HEATR4: variants seen among roughly 807,000 people sequenced by gnomAD.
The protein encoded by HEATR4 is HEAT repeat containing 4.
In HEATR4, 95 loss-of-function variants were observed where a neutral mutation model predicts 108.8. That is an observed-to-expected ratio of 0.87 (90% CI 0.74 to 1.04). The LOEUF (loss-of-function observed/expected upper bound fraction) is 1.04. Ranked by LOEUF, HEATR4 falls within the 50% of genes least tolerant of loss-of-function variation. The pLI is 0.00. For synonymous variants in HEATR4, 443 were observed against 459.4 expected (o/e 0.96, Z 0.46); for missense variants, 1,152 against 1,253.8 (o/e 0.92, Z 1.23).
At chr14:73,600,007 G>C in the HEATR4 span, among the ~76,000 whole-genome samples, 1 of 152,180 alleles carries the variant, frequency 6.6e-6, no homozygotes, top group Non-Finnish European at 1.5e-5. Context: ...GCTCAGAACA[G>C]TCCCTTGGGT....
upstream of HEATR4, among the ~76,000 whole-genome samples, chr14:73,560,373 T>C (rs1889503590): frequency 6.6e-6 from 1 of 151,978 alleles, no homozygotes. Flanking sequence ...TTATGAAAAG[T>C]AAAGACTGAG....
At chr14:73,563,910 A>G (rs1426516141), upstream of HEATR4, among the ~76,000 whole-genome samples, 1 of 151,950 alleles carries the variant, frequency 6.6e-6, no homozygotes, top group Non-Finnish European at 1.5e-5. Context: ...AGGAGGTGGG[A>G]GGATCCTTTG....
At chr14:73,633,395 T>C in the HEATR4 span, among the ~76,000 whole-genome samples, 1 of 152,292 alleles carries the variant, frequency 6.6e-6, no homozygotes, top group Admixed American at 6.5e-5. Flanking sequence ...TTTAGGTCTT[T>C]GCTGGCATTC....
the HEATR4 span, among the ~76,000 whole-genome samples, chr14:73,576,468 A>C: frequency 6.6e-6 from 1 of 151,980 alleles, no homozygotes; most frequent in Non-Finnish European, 1.5e-5. Flanking sequence ...TATTGAGATG[A>C]ATTACATAAG....
chr14:73,605,532 C>G, the HEATR4 span, among the ~76,000 whole-genome samples: 1 of 140,278 alleles, frequency 7.1e-6, no homozygotes, highest in Non-Finnish European at 1.5e-5. Flanking sequence ...GTTTAGGAAT[C>G]ATGCAGCTGG....
At chr14:73,556,328 G>A (rs1354008996) in intron 1 of HEATR4, among the ~76,000 whole-genome samples, 1 of 111,906 alleles carries the variant, frequency 8.9e-6, no homozygotes, top group African/African-American at 2.9e-5. Flanking sequence ...AGGAGGCTGA[G>A]GCAGGAGAAT....
intron 17 of HEATR4, chr14:73,491,866 C>T (rs374315742): frequency 6.8e-6 from 11 of 1,610,574 alleles, no homozygotes; most frequent in Middle Eastern, 1.6e-4. Flanking sequence ...GCGCGCTGCC[C>T]GCCGCCGCGT....
At chr14:73,525,413 A>G (rs974476710) in intron 2 of HEATR4, among the ~76,000 whole-genome samples, 1 of 152,122 alleles carries the variant, frequency 6.6e-6, no homozygotes, top group African/African-American at 2.4e-5. Flanking sequence ...TTAATATGCT[A>G]TCACTCCAGG....
chr14:73,514,350 C>A lies in HEATR4; in HGVS notation c.1211-116G>T, dbSNP rs530349350. Reference sequence around the variant, plus strand: ...GACTAATACCAAAGCAAAACAAAACCCTCAAGAGTGAATTTCCCCATGATT... The same window carrying A: ...GACTAATACCAAAGCAAAACAAAACACTCAAGAGTGAATTTCCCCATGATT... On this transcript the variant is annotated intron_variant, in intron 5 of 17. Transcript: ENST00000553558. 2.1e-4 allele frequency: 178 copies of A among 846,012 alleles called. 1 individual carries two copies. The highest frequency in any genetic ancestry group is 4.3e-4 in the Admixed American group (18 of 42,344). 52.4% of individuals were successfully genotyped at this position (846,012 alleles called of 1,614,324 possible).
chr14:73,564,499 A>G, the HEATR4 span, among the ~76,000 whole-genome samples: 3 of 151,378 alleles, frequency 2.0e-5, no homozygotes, highest in South Asian at 2.1e-4. Context: ...CCAGGTGCTC[A>G]GGAGGCTGAG....
chr14:73,524,265 C>T (rs2140299760), intron 2 of HEATR4, among the ~76,000 whole-genome samples: 1 of 127,606 alleles, frequency 7.8e-6, no homozygotes, highest in East Asian at 2.2e-4. Flanking sequence ...TGCACACCAG[C>T]CTGGGCAACA....
At position 73,542,539 on chromosome 14, in the gene HEATR4, G is replaced by A. The variant is rs2140314755; in HGVS notation, c.-151-12295C>T. ...CCTGCCTCGGCCTCCTGAGTAGCTG[G>A]GACTACAGGCGCATGCCACTTCTGC... On this transcript the variant is annotated intron_variant, in intron 1 of 17. Coordinates refer to ENST00000553558, the MANE Select transcript of HEATR4 (RefSeq NM_001220484.1). 1.9e-5 allele frequency among the ~76,000 whole-genome samples: 2 copies of A among 105,120 alleles called. 1 individual carries two copies. The highest frequency in any genetic ancestry group is 6.5e-5 in the African/African-American group (2 of 30,804). The allele number at this position is 105,120 out of a possible 152,430, so 69.0% of individuals were successfully genotyped here.
chr14:73,607,787 C>A, the HEATR4 span, among the ~76,000 whole-genome samples: 2 of 151,718 alleles, frequency 1.3e-5, no homozygotes, highest in African/African-American at 4.8e-5. Flanking sequence ...CCACGCCTGG[C>A]TAATTTTTGT....
chr14:73,614,819 G>A, the HEATR4 span, among the ~76,000 whole-genome samples: 10 of 149,116 alleles, frequency 6.7e-5, no homozygotes, highest in East Asian at 1.0e-3. Context: ...ACAAGGAGCC[G>A]GGCGCAGTGG....
At position 73,506,509 on chromosome 14, in the gene HEATR4, C is replaced by T. The variant is rs748194777; in HGVS notation, c.1944G>A (p.Val648=). Residue 648 remains valine, a synonymous_variant, in exon 10 of 18, where the codon GTG becomes GTA. Coordinates refer to ENST00000553558, the MANE Select transcript of HEATR4 (RefSeq NM_001220484.1). ...TGATCCGGGAGAAAGCCTGGCAGGCCACAATCCGGTTCTTCCATTGACAGC... is the reference window on the plus strand; with the variant it reads ...TGATCCGGGAGAAAGCCTGGCAGGCTACAATCCGGTTCTTCCATTGACAGC... ...LNSCQWKNRI[V]ACQAFSRISG... is the part of the protein sequence containing the mutation. The T allele has an allele frequency of 1.9e-6, 3 of 1,613,674 alleles. No individual in the cohort carries two copies. Among genetic ancestry groups the T allele is most frequent in the African/African-American group, 2.7e-5 (2 of 74,900 alleles).
the HEATR4 span, chr14:73,617,016 G>C: frequency 1.3e-6 from 1 of 785,172 alleles, no homozygotes. Context: ...TGGGATCATT[G>C]ATCTGTTTGG....
intron 1 of HEATR4, chr14:73,531,077 G>A (rs1271487470): frequency 9.2e-6 from 1 of 108,794 alleles, no homozygotes; most frequent in Non-Finnish European, 2.0e-5. Context: ...ACCTCAGGTT[G>A]CCCCTCATCT....
In HEATR4 at chr14:73,558,910, G is replaced by A. The variant is rs574246267; in HGVS notation, c.-311C>T. On this transcript the variant is annotated 5_prime_UTR_variant, in exon 1 of 18. Transcript: ENST00000553558. ...AAGGCAGTCCTCAGAGAGAAGCAAGGTTCTGCATCTTAAGCCTTCCTTGGT... is the reference window on the plus strand; with the variant it reads ...AAGGCAGTCCTCAGAGAGAAGCAAGATTCTGCATCTTAAGCCTTCCTTGGT... 2 of 151,554 alleles carry A rather than the reference G, an allele frequency of 1.3e-5. No homozygotes were observed. The highest frequency in any genetic ancestry group is 2.9e-5 in the Non-Finnish European group (2 of 67,850). The allele number at this position is 151,554 out of a possible 1,614,324, so 9.4% of individuals were successfully genotyped here.
upstream of HEATR4, among the ~76,000 whole-genome samples, chr14:73,563,338 T>C (rs2140325756): frequency 6.6e-6 from 1 of 152,194 alleles, no homozygotes; most frequent in South Asian, 2.1e-4. Context: ...CTCACGCCTA[T>C]AATCCCAGCA....
Sources: gnomAD v4.1 joint callset for allele counts (sites outside exome capture counted in the v4.1 genomes callset) on GRCh38, gnomAD v4.1.1 for gene constraint, MANE v1.5 for transcripts, NCBI Gene and HGNC (gene_info 2026-07-23, HGNC 2026-07-21) for gene names.